The following LIPI variants were observed in gnomAD, a reference collection of about 807,000 sequenced individuals.
LIPI encodes the protein lipase member I.
Under a neutral mutation model 50.6 loss-of-function variants are expected in LIPI, and 59 were observed. That is an observed-to-expected ratio of 1.16 (90% CI 0.94 to 1.45). The LOEUF is 1.45. Among genes scored for constraint, LIPI ranks in the 40% most tolerant of loss-of-function variants. LIPI has a pLI of 0.00. For synonymous variants in LIPI, 203 were observed against 178.2 expected (o/e 1.14, Z -1.11); for missense variants, 586 against 536.3 (o/e 1.09, Z -0.92).
At chr21:14,203,889 T>C (rs1394132265) in intron 1 of LIPI, among the ~76,000 whole-genome samples, 1 of 151,790 alleles carries the variant, frequency 6.6e-6, no homozygotes, top group African/African-American at 2.4e-5. Flanking sequence ...ATATACACCA[T>C]GGAATACTAT....
At chr21:14,180,359 C>A (rs948668076) in intron 4 of LIPI, among the ~76,000 whole-genome samples, 1 of 152,132 alleles carries the variant, frequency 6.6e-6, no homozygotes, top group Non-Finnish European at 1.5e-5. Flanking sequence ...CTTTTTAAAA[C>A]CCTTAATAAA....
At chr21:14,150,438 T>C (rs2018050207) in intron 8 of LIPI, among the ~76,000 whole-genome samples, 1 of 152,210 alleles carries the variant, frequency 6.6e-6, no homozygotes, top group African/African-American at 2.4e-5. Flanking sequence ...TCTTCTTTTA[T>C]AAAACATTTT....
At chr21:14,129,625 AAAATT>A (rs1292508461) in intron 9 of LIPI, among the ~76,000 whole-genome samples, 2 of 152,020 alleles carry the variant, frequency 1.3e-5, no homozygotes, top group African/African-American at 4.8e-5. Flanking sequence ...ACTGCAGAAA[AAAATT>A]AATAAAAACA....
chr21:14,194,906 T>C (rs1171400993), intron 1 of LIPI, among the ~76,000 whole-genome samples: 1 of 152,186 alleles, frequency 6.6e-6, no homozygotes. Flanking sequence ...CAGATTTGCC[T>C]TACTGCTGTA....
intron 1 of LIPI, 97 bp downstream of exon 1, chr21:14,210,703 T>A (rs931270215): frequency 2.0e-5 from 7 of 355,114 alleles, no homozygotes; most frequent in Non-Finnish European, 4.5e-6. Context: ...CATATTTTTA[T>A]CCCATTATAT....
At chr21:14,138,868 C>A (rs1156633671) in intron 9 of LIPI, among the ~76,000 whole-genome samples, 1 of 151,974 alleles carries the variant, frequency 6.6e-6, no homozygotes, top group Non-Finnish European at 1.5e-5. Context: ...ATATGCCAGG[C>A]AATATATTAC....
intron 4 of LIPI, among the ~76,000 whole-genome samples, chr21:14,170,549 G>C (rs1391427657): frequency 6.6e-6 from 1 of 152,194 alleles, no homozygotes; most frequent in South Asian, 2.1e-4. Flanking sequence ...GGCATGCAAG[G>C]CTGGTTCAAT....
At chr21:14,185,144 A>G (rs1036869717) in intron 3 of LIPI, among the ~76,000 whole-genome samples, 2 of 152,202 alleles carry the variant, frequency 1.3e-5, no homozygotes, top group Non-Finnish European at 2.9e-5. Context: ...ATGAAAATCC[A>G]TATCAGCCTT....
chr21:14,170,563 C>A (rs541938830), intron 4 of LIPI, among the ~76,000 whole-genome samples: 1 of 152,112 alleles, frequency 6.6e-6, no homozygotes, highest in South Asian at 2.1e-4. Context: ...GTTCAATATA[C>A]GCAAATCAAT....
intron 1 of LIPI, among the ~76,000 whole-genome samples, chr21:14,207,448 A>G (rs1271990078): frequency 4.0e-5 from 6 of 150,720 alleles, no homozygotes; most frequent in African/African-American, 1.5e-4. Flanking sequence ...TTAATTTTTT[A>G]ATGAAAAAAC....
intron 9 of LIPI, among the ~76,000 whole-genome samples, chr21:14,129,813 A>ATTTT (rs751973561): frequency 0.019 from 2,380 of 126,914 alleles, 30 homozygotes; most frequent in Middle Eastern, 0.025. Flanking sequence ...TTTTTTTAAA[A>ATTTT]AAAAAAAAAG....
chr21:14,162,463 G>A (rs1184812584), intron 7 of LIPI, among the ~76,000 whole-genome samples: 2 of 151,764 alleles, frequency 1.3e-5, no homozygotes, highest in African/African-American at 4.8e-5. Context: ...ACGCAGGCAA[G>A]TGTATAGGAA....
At chr21:14,134,831 TA>T (rs145495049) in intron 9 of LIPI, among the ~76,000 whole-genome samples, 3 of 151,736 alleles carry the variant, frequency 2.0e-5, no homozygotes, top group Non-Finnish European at 2.9e-5. Context: ...CAGAAACTAT[TA>T]AAAAAAATCT....
At chr21:14,140,752 T>C (rs2017676466) in intron 9 of LIPI, among the ~76,000 whole-genome samples, 1 of 152,170 alleles carries the variant, frequency 6.6e-6, no homozygotes, top group Admixed American at 6.6e-5. Context: ...GAATTTTCCA[T>C]TTATTCCATT....
chr21:14,146,770 C>CTTTTTTTTT (rs1308738575), intron 8 of LIPI, among the ~76,000 whole-genome samples: 12 of 64,856 alleles, frequency 1.9e-4, no homozygotes, highest in African/African-American at 8.6e-4. Context: ...TTCCCAGTCT[C>CTTTTTTTTT]TATTTTTTTT....
chr21:14,125,121 G>A (rs2017009358), intron 9 of LIPI, among the ~76,000 whole-genome samples: 1 of 152,162 alleles, frequency 6.6e-6, no homozygotes, highest in Admixed American at 6.5e-5. Flanking sequence ...CTACAAAAAA[G>A]TTTGAGAAGC....
chr21:14,123,831 G>C (rs764905126), intron 9 of LIPI, among the ~76,000 whole-genome samples: 2 of 152,138 alleles, frequency 1.3e-5, no homozygotes, highest in African/African-American at 2.4e-5. Context: ...ACTCAAATGA[G>C]AGACACTATA....
At chr21:14,111,141 T>C (rs1001018861) in intron 9 of LIPI, among the ~76,000 whole-genome samples, 4 of 151,908 alleles carry the variant, frequency 2.6e-5, no homozygotes, top group African/African-American at 9.7e-5. Flanking sequence ...GTTCTATTTT[T>C]AATGTTTTTA....
intron 4 of LIPI, among the ~76,000 whole-genome samples, chr21:14,180,233 A>T (rs2019227240): frequency 6.6e-6 from 1 of 152,114 alleles, no homozygotes; most frequent in Non-Finnish European, 1.5e-5. Context: ...GTTGTTTAAG[A>T]TGTTTATCAA....
Sources: gnomAD v4.1 joint callset for allele counts (sites outside exome capture counted in the v4.1 genomes callset) on GRCh38, gnomAD v4.1.1 for gene constraint, MANE v1.5 for transcripts, NCBI Gene and HGNC (gene_info 2026-07-23, HGNC 2026-07-21) for gene names.